Variants in FGD3 observed in about 807,000 individuals in gnomAD.
FGD3 encodes the protein FYVE, RhoGEF and PH domain containing 3.
Under a neutral mutation model 71.8 loss-of-function variants are expected in FGD3, and 45 were observed. That is an observed-to-expected ratio of 0.63 (90% CI 0.49 to 0.80). The LOEUF (loss-of-function observed/expected upper bound fraction) is 0.80, where lower values mean the gene tolerates loss of function less well. FGD3 is among the 30% of genes least tolerant of loss of function. The pLI is 0.00. For synonymous variants in FGD3, 378 were observed against 392.8 expected (o/e 0.96, Z 0.44); for missense variants, 844 against 951.5 (o/e 0.89, Z 1.49).
chr9:92,976,260 G>A lies in FGD3; in HGVS notation c.4G>A (p.Glu2Lys). ...CCCAGTGAGCTCAGCTTTAAGGATGGAGTCAGGCAGGGGGTCCTCAACCCC... is the reference window on the plus strand; with the variant it reads ...CCCAGTGAGCTCAGCTTTAAGGATGAAGTCAGGCAGGGGGTCCTCAACCCC... M[E>K]SGRGSSTPPG... The change falls in exon 3 of 18, where the codon GAG becomes AAG. Residue 2 changes from glutamate (E) to lysine (K), a missense_variant. By Grantham distance (56) the Glu-to-Lys change is moderately conservative (BLOSUM62 1). Coordinates refer to ENST00000375482, the MANE Select transcript of FGD3 (RefSeq NM_001083536.2). 6.3e-7 allele frequency: 1 copy of A among 1,577,712 alleles called. No homozygotes were observed. Among genetic ancestry groups the A allele is most frequent in the Non-Finnish European group, 8.6e-7 (1 of 1,156,226 alleles).
chr9:92,992,947 C>T (rs1306008951), intron 3 of FGD3, among the ~76,000 whole-genome samples: 2 of 152,194 alleles, frequency 1.3e-5, no homozygotes, highest in Admixed American at 1.3e-4. Context: ...TAGATGCTAT[C>T]TGGTTGGAGG....
At position 92,948,253 on chromosome 9, in the gene FGD3, C is replaced by T. The variant is rs55806900; in HGVS notation, c.-218+524C>T. ...TGTCTTTTCTTTTTGTTACCTTATT[C>T]TTGCCACTCGGCATTTCCCCTAAGT... On this transcript the variant is annotated intron_variant, in intron 1 of 17. Coordinates refer to ENST00000375482, the MANE Select transcript of FGD3 (RefSeq NM_001083536.2). Among the ~76,000 whole-genome samples, 1,247 of 152,170 alleles carry T rather than the reference C, an allele frequency of 8.2e-3. 18 individuals carry two copies. Among genetic ancestry groups the T allele is most frequent in the Non-Finnish European group, 0.011 (753 of 68,018 alleles).
intron 16 of FGD3, 65 bp downstream of exon 16, chr9:93,032,938 G>T: frequency 1.4e-6 from 2 of 1,437,792 alleles, no homozygotes; most frequent in South Asian, 2.3e-5. Flanking sequence ...ACCTGCTCCT[G>T]TGCCCCAGCA....
intron 3 of FGD3, among the ~76,000 whole-genome samples, chr9:93,000,275 A>G (rs1175561392): frequency 1.3e-5 from 2 of 152,144 alleles, no homozygotes. Flanking sequence ...TTATTTATTC[A>G]TATAGATTTA....
At chr9:93,022,176 A>G (rs548511883) in intron 13 of FGD3, 151 bp from the exon 14 acceptor site, 2 of 686,856 alleles carry the variant, frequency 2.9e-6, no homozygotes, top group East Asian at 2.9e-5. Context: ...GCTTCCCCAG[A>G]GGCACAGCAA....
chr9:92,949,153 G>C (rs936534616), intron 1 of FGD3, among the ~76,000 whole-genome samples: 1 of 152,308 alleles, frequency 6.6e-6, no homozygotes. Context: ...GGGGAGGTCA[G>C]AGCAGGATGC....
At chr9:92,979,591 C>T (rs1334678731) in intron 3 of FGD3, among the ~76,000 whole-genome samples, 1 of 152,064 alleles carries the variant, frequency 6.6e-6, no homozygotes, top group African/African-American at 2.4e-5. Context: ...TTTATATGGC[C>T]TTGGTATCAG....
At chr9:93,017,331 G>C (rs529732282) in intron 10 of FGD3, among the ~76,000 whole-genome samples, 8 of 152,280 alleles carry the variant, frequency 5.3e-5, no homozygotes, top group Non-Finnish European at 1.2e-4. Context: ...TCTCTAGTTA[G>C]TGTTTTTTTT....
rs761819923 is a variant in FGD3 at position 93,003,017 on chromosome 9, A to G, written c.543+3A>G. The G allele has an allele frequency of 1.2e-6, 2 of 1,614,126 alleles. No homozygotes were observed. The highest frequency in any genetic ancestry group is 1.7e-6 in the Non-Finnish European group (2 of 1,179,980). ...AGCGGCTGCACCTGCTGGACCAGGT[A>G]GCCCACATGGCTTGGGGGCAGTTTC... is the stretch of plus-strand genomic sequence containing the variant. On this transcript the variant is annotated splice_donor_region_variant and intron_variant, in intron 4 of 17. Coordinates refer to ENST00000375482, the MANE Select transcript of FGD3 (RefSeq NM_001083536.2). The surrounding 1 kb of genome is among the most constrained non-coding windows in gnomAD (Gnocchi z 4.1).
chr9:93,025,503 AGTGT>A (rs74555805), intron 14 of FGD3, among the ~76,000 whole-genome samples: 7,007 of 152,284 alleles, frequency 0.046, 245 homozygotes, highest in South Asian at 0.14. Context: ...AGGTGAGCTC[AGTGT>A]GCGTTTTACA....
intron 1 of FGD3, among the ~76,000 whole-genome samples, chr9:92,974,327 C>T (rs1358063327): frequency 1.3e-5 from 2 of 152,356 alleles, no homozygotes; most frequent in Non-Finnish European, 1.5e-5. Context: ...GAGAAGAATG[C>T]AGCAAAACAT....
chr9:93,035,797 A>T lies in FGD3; in HGVS notation c.*208A>T, dbSNP rs941045662. On this transcript the variant is annotated 3_prime_UTR_variant, in exon 18 of 18. Transcript: ENST00000375482. ...GGTCACCCAGCAAGTTTTGGCTAAG[A>T]GCCTGGCCTCCAGCCCCAGCAGTGT... The T allele has an allele frequency of 7.3e-6, 5 of 683,772 alleles. No individual in the cohort carries two copies. Among genetic ancestry groups the T allele is most frequent in the Non-Finnish European group, 9.1e-6 (4 of 438,656 alleles). 42.4% of individuals were successfully genotyped at this position (683,772 alleles called of 1,614,324 possible).
rs1374551729 is a variant in FGD3 at position 93,012,702 on chromosome 9, GGA to G, written c.1036-1149_1036-1148del. Among the ~76,000 whole-genome samples the G allele has an allele frequency of 3.1e-4, 44 of 140,590 alleles. 1 individual carries two copies. The highest frequency in any genetic ancestry group is 7.1e-4 in the African/African-American group (26 of 36,468). The allele number at this position is 140,590 out of a possible 152,430, so 92.2% of individuals were successfully genotyped here. ...TGGGCGGTGGCGGGGTGTGGGGGGG[GGA>G]AGAATCAATCTACATAGAATGCTCA... On this transcript the variant is annotated intron_variant, in intron 8 of 17. Coordinates refer to ENST00000375482, the MANE Select transcript of FGD3 (RefSeq NM_001083536.2).
chr9:93,018,851 ATTTTC>A (rs1029785308), intron 11 of FGD3, among the ~76,000 whole-genome samples: 2 of 151,540 alleles, frequency 1.3e-5, no homozygotes, highest in Non-Finnish European at 2.9e-5. Context: ...GTATCCTACG[ATTTTC>A]TTTTCTTTTT....
chr9:92,999,620 G>A (rs147533488), intron 3 of FGD3, among the ~76,000 whole-genome samples: 4,522 of 144,386 alleles, frequency 0.031, 252 homozygotes, highest in African/African-American at 0.11. Context: ...TAAAGACAGA[G>A]TCTTGGTCTG....
intron 10 of FGD3, among the ~76,000 whole-genome samples, chr9:93,016,369 T>TTG (rs561565974): frequency 0.035 from 2,465 of 71,322 alleles, 243 homozygotes; most frequent in Admixed American, 0.22. Flanking sequence ...AGACGGAGTC[T>TTG]CGCTGTCACC....
chr9:93,024,507 C>G (rs1323723376), intron 14 of FGD3, among the ~76,000 whole-genome samples: 1 of 152,270 alleles, frequency 6.6e-6, no homozygotes, highest in East Asian at 1.9e-4. Context: ...CTGGGCCAGG[C>G]TTATGGAGAC....
At chr9:92,990,327 C>T (rs971333190) in intron 3 of FGD3, among the ~76,000 whole-genome samples, 1 of 152,018 alleles carries the variant, frequency 6.6e-6, no homozygotes, top group African/African-American at 2.4e-5. Flanking sequence ...AAGTGAGATC[C>T]TGTATCAAAA....
rs1189526935 is a variant in FGD3, at chr9:93,003,464, C to A, written c.543+450C>A. Among the ~76,000 whole-genome samples the A allele has an allele frequency of 6.6e-6, 1 of 151,592 alleles. No homozygotes were observed. Among genetic ancestry groups the A allele is most frequent in the East Asian group, 2.0e-4 (1 of 5,076 alleles). On this transcript the variant is annotated intron_variant, in intron 4 of 17. Coordinates refer to ENST00000375482, the MANE Select transcript of FGD3 (RefSeq NM_001083536.2). This position sits in a 1 kb window ranked among gnomAD's most constrained non-coding sequence, Gnocchi z 4.1. ...TTTTTTGTTTTCAGTGCTTGTAGCT[C>A]TGAGGAGAAGGCTTTGCCAAGTCAC...
Sources: allele counts gnomAD v4.1 joint callset (sites outside exome capture counted in the v4.1 genomes callset), GRCh38; gene constraint gnomAD v4.1.1; non-coding constraint Gnocchi (gnomAD v3.1); transcripts MANE v1.5; gene names NCBI Gene and HGNC (gene_info 2026-07-23, HGNC 2026-07-21).